Variants in SLC28A3 observed in about 807,000 individuals in gnomAD.
The protein encoded by SLC28A3 is solute carrier family 28 member 3, also known as concentrative Na(+)-nucleoside cotransporter 3.
Under a neutral mutation model 84.2 loss-of-function variants are expected in SLC28A3, and 68 were observed. That is an observed-to-expected ratio of 0.81 (90% CI 0.66 to 0.99). The LOEUF is 0.99. Among genes scored for constraint, SLC28A3 ranks in the 50% least tolerant of loss-of-function variants. The pLI, the probability that SLC28A3 is intolerant of heterozygous loss-of-function variation, is 0.00. For synonymous variants in SLC28A3, 267 were observed against 303.6 expected (o/e 0.88, Z 1.25); for missense variants, 712 against 841.5 (o/e 0.85, Z 1.90).
chr9:84,292,835 T>A, intron 9 of SLC28A3, 87 bp from the exon 10 acceptor site: 1 of 878,688 alleles, frequency 1.1e-6, no homozygotes, highest in Non-Finnish European at 1.7e-6. Flanking sequence ...TAAACTGGTG[T>A]AAAATATTGA....
At chr9:84,358,809 GT>G in the SLC28A3 span, among the ~76,000 whole-genome samples, 2 of 152,048 alleles carry the variant, frequency 1.3e-5, no homozygotes, top group African/African-American at 4.8e-5. Context: ...TATTTTTGTT[GT>G]TGTTATTTTT....
At chr9:84,323,498 C>A (rs913289177) in intron 1 of SLC28A3, among the ~76,000 whole-genome samples, 2 of 150,254 alleles carry the variant, frequency 1.3e-5, no homozygotes, top group African/African-American at 4.9e-5. Flanking sequence ...GATCTCGGCT[C>A]ACTGCAACTT....
upstream of SLC28A3, among the ~76,000 whole-genome samples, chr9:84,344,198 T>TG (rs1827214139): frequency 6.7e-6 from 1 of 149,404 alleles, no homozygotes; most frequent in Non-Finnish European, 1.5e-5. Context: ...TTTTTTTTTT[T>TG]TTTTTTGGTC....
rs561375361 is a variant in SLC28A3 at position 84,277,998 on chromosome 9, C to T, written c.*220G>A. The T allele has an allele frequency of 7.3e-6, 4 of 544,604 alleles. No homozygotes were observed. The highest frequency in any genetic ancestry group is 3.8e-5 in the African/African-American group (2 of 52,890). The allele number at this position is 544,604 out of a possible 1,614,324, so 33.7% of individuals were successfully genotyped here. ...TCAACAACACCTCACTTTGGGACAT[C>T]ATAGCAGTTCTTGGTGGGGAAGGGG... On this transcript the variant is annotated 3_prime_UTR_variant, in exon 18 of 18. Coordinates refer to ENST00000376238, the MANE Select transcript of SLC28A3 (RefSeq NM_001199633.2).
In SLC28A3 at chr9:84,285,944, T is replaced by A. The variant is rs1470862820; in HGVS notation, c.1448A>T (p.Glu483Val). The change falls in exon 13 of 18, where the codon GAG becomes GTG. Residue 483 changes from glutamate to valine, a missense_variant and splice_region_variant. By Grantham distance (121) the Glu-to-Val change is moderately radical. Transcript: ENST00000376238. ...NMFDYPQLSF[E>V]LICSYIFMPF... ...GGCAGGGGCGTGATGTGATTATACC[T>A]CAAAACTCAGCTGTGGGTAGTCAAA... is the stretch of plus-strand genomic sequence containing the variant. The A allele has an allele frequency of 6.2e-7, 1 of 1,612,962 alleles. No homozygotes were observed. Among genetic ancestry groups the A allele is most frequent in the Non-Finnish European group, 8.5e-7 (1 of 1,179,510 alleles).
rs138762634 is a variant in SLC28A3, at chr9:84,313,343, C to T, written c.156+16G>A. 473 of 1,612,426 alleles carry T rather than the reference C, an allele frequency of 2.9e-4. 1 individual carries two copies. The African/African-American group carries it at 5.9e-3, about 20-fold the overall frequency. On this transcript the variant is annotated intron_variant, in intron 2 of 17. Coordinates refer to ENST00000376238, the MANE Select transcript of SLC28A3 (RefSeq NM_001199633.2). ...CTGCCATGGTACTAGAGTCATGCAC[C>T]ACAGTCTTGCTGTACCTGTTTGGTG...
the SLC28A3 span, among the ~76,000 whole-genome samples, chr9:84,360,338 G>C: frequency 6.6e-6 from 1 of 152,138 alleles, no homozygotes; most frequent in African/African-American, 2.4e-5. Context: ...GGAAGACAGG[G>C]ACAGATAGAG....
chr9:84,347,083 G>A, the SLC28A3 span, among the ~76,000 whole-genome samples: 8,189 of 151,776 alleles, frequency 0.054, 447 homozygotes, highest in East Asian at 0.17. Context: ...GGCTGAGGCA[G>A]GATAATAGCT....
chr9:84,323,471 C>G (rs1826445829), intron 1 of SLC28A3, among the ~76,000 whole-genome samples: 1 of 148,072 alleles, frequency 6.8e-6, no homozygotes. Context: ...GTCATCCAGG[C>G]TGGAGTGCAG....
At chr9:84,313,573 T>G in intron 1 of SLC28A3, 119 bp from the exon 2 acceptor site, 1 of 733,996 alleles carries the variant, frequency 1.4e-6, no homozygotes, top group South Asian at 1.8e-5. Context: ...GGTGTTCAGA[T>G]GAAGCATCCG....
upstream of SLC28A3, among the ~76,000 whole-genome samples, chr9:84,344,185 G>GTTT (rs762125676): frequency 8.8e-4 from 104 of 117,986 alleles, no homozygotes; most frequent in East Asian, 3.7e-3. Context: ...CATCATATGG[G>GTTT]TTTTTTTTTT....
intron 1 of SLC28A3, among the ~76,000 whole-genome samples, chr9:84,315,120 A>G (rs975357115): frequency 6.6e-6 from 1 of 152,196 alleles, no homozygotes; most frequent in Non-Finnish European, 1.5e-5. Context: ...AAAAATATAC[A>G]TAGTATGGGA....
At chr9:84,326,672 CAACAACAA>C (rs1564174566) in intron 1 of SLC28A3, among the ~76,000 whole-genome samples, 11 of 135,616 alleles carry the variant, frequency 8.1e-5, no homozygotes, top group African/African-American at 2.9e-4. Context: ...ACAACAACAA[CAACAACAA>C]CAACCAGGTC....
intron 10 of SLC28A3, 84 bp from the exon 11 acceptor site, chr9:84,290,363 T>C: frequency 6.5e-7 from 1 of 1,539,716 alleles, no homozygotes; most frequent in Non-Finnish European, 8.8e-7. Context: ...CACAATTTTA[T>C]TCTTTAAAGC....
intron 1 of SLC28A3, among the ~76,000 whole-genome samples, chr9:84,325,488 G>A (rs901650794): frequency 6.6e-6 from 1 of 152,216 alleles, no homozygotes; most frequent in South Asian, 2.1e-4. Context: ...GTGAGATCAC[G>A]TTTTGCCATG....
intron 1 of SLC28A3, among the ~76,000 whole-genome samples, chr9:84,330,310 A>G (rs977264288): frequency 2.6e-5 from 4 of 152,226 alleles, no homozygotes; most frequent in Non-Finnish European, 5.9e-5. Flanking sequence ...GAAAGAGGAG[A>G]TATTACTACT....
intron 14 of SLC28A3, 25 bp from the exon 15 acceptor site, chr9:84,280,907 G>A: frequency 1.2e-6 from 2 of 1,609,430 alleles, no homozygotes; most frequent in Non-Finnish European, 1.7e-6. Flanking sequence ...AAACACATAT[G>A]TATACACAAT....
At chr9:84,339,483 C>G (rs138609724) in intron 1 of SLC28A3, among the ~76,000 whole-genome samples, 18 of 152,304 alleles carry the variant, frequency 1.2e-4, no homozygotes, top group African/African-American at 3.6e-4. Context: ...TTCCTGACCT[C>G]AAATGATCAG....
intron 2 of SLC28A3, chr9:84,310,475 A>G (rs1825952655): frequency 2.0e-6 from 2 of 985,440 alleles, no homozygotes; most frequent in Non-Finnish European, 2.4e-6. Context: ...ATGGTACAGA[A>G]GCTGGTGGGG....
Sources: gnomAD v4.1 joint callset for allele counts (sites outside exome capture counted in the v4.1 genomes callset) on GRCh38, gnomAD v4.1.1 for gene constraint, MANE v1.5 for transcripts, NCBI Gene and HGNC (gene_info 2026-07-23, HGNC 2026-07-21) for gene names.